The following TM9SF2 variants were observed in gnomAD, a reference collection of about 807,000 sequenced individuals.
TM9SF2 encodes transmembrane 9 superfamily member 2, also known as 76 kDa membrane protein.
TM9SF2 carries 13 observed loss-of-function variants against 84.9 expected under a neutral mutation model. That is an observed-to-expected ratio of 0.15 (90% CI 0.10 to 0.24). TM9SF2 has a LOEUF of 0.24. Among genes scored for constraint, TM9SF2 ranks in the 10% least tolerant of loss-of-function variants. TM9SF2 has a pLI of 1.00. For synonymous variants in TM9SF2, 273 were observed against 285.8 expected, an observed-to-expected ratio of 0.96 and a Z score of 0.45; for missense variants, 562 against 818.5, an observed-to-expected ratio of 0.69 and a Z score of 3.82.
At chr13:99,527,559 G>A (rs2046189344) in intron 3 of TM9SF2, among the ~76,000 whole-genome samples, 1 of 152,142 alleles carries the variant, frequency 6.6e-6, no homozygotes, top group Admixed American at 6.5e-5. Flanking sequence ...CAACACGTGG[G>A]GATTACAATT....
intron 2 of TM9SF2, among the ~76,000 whole-genome samples, chr13:99,519,154 CTA>C (rs1044437199): frequency 3.3e-5 from 5 of 152,106 alleles, no homozygotes; most frequent in African/African-American, 1.2e-4. Flanking sequence ...AATGGGTAGA[CTA>C]TAATTCATCT....
chr13:99,539,871 T>C (rs1287681942), intron 7 of TM9SF2, among the ~76,000 whole-genome samples: 4 of 152,324 alleles, frequency 2.6e-5, no homozygotes, highest in African/African-American at 4.8e-5. Context: ...AGAAACCATT[T>C]GGGAAATCAA....
chr13:99,531,446 T>C (rs2046209386), intron 4 of TM9SF2, among the ~76,000 whole-genome samples: 1 of 152,178 alleles, frequency 6.6e-6, no homozygotes, highest in African/African-American at 2.4e-5. Flanking sequence ...GACCAGATCC[T>C]GTGGCCTCGC....
At chr13:99,539,364 T>C in intron 6 of TM9SF2, 82 bp from the exon 7 acceptor site, 1 of 818,572 alleles carries the variant, frequency 1.2e-6, no homozygotes, top group Non-Finnish European at 2.1e-6. Flanking sequence ...CATTTTAAAA[T>C]ACGTACAAAA....
chr13:99,540,610 A>C, intron 7 of TM9SF2, 104 bp from the exon 8 acceptor site: 2 of 758,702 alleles, frequency 2.6e-6, no homozygotes, highest in Non-Finnish European at 4.2e-6. Context: ...TAGAAATTGC[A>C]GTTGTTGACT....
intron 3 of TM9SF2, among the ~76,000 whole-genome samples, chr13:99,528,318 G>T (rs2046193129): frequency 6.6e-6 from 1 of 152,194 alleles, no homozygotes; most frequent in Non-Finnish European, 1.5e-5. Context: ...GTGTGACTTG[G>T]TGCTCCAGTT....
chr13:99,503,521 C>CAAT (rs1393761652), intron 1 of TM9SF2, among the ~76,000 whole-genome samples: 1 of 151,906 alleles, frequency 6.6e-6, no homozygotes. Context: ...CCAGCCTGGC[C>CAAT]AATATGGTGA....
At chr13:99,506,339 A>C (rs1247009153) in intron 1 of TM9SF2, among the ~76,000 whole-genome samples, 1 of 152,252 alleles carries the variant, frequency 6.6e-6, no homozygotes. Context: ...ATTTATCGAT[A>C]TGTAGTTTCA....
intron 9 of TM9SF2, among the ~76,000 whole-genome samples, chr13:99,542,889 G>C (rs937481067): frequency 2.6e-5 from 4 of 152,108 alleles, no homozygotes; most frequent in East Asian, 3.9e-4. Context: ...ACAGCAGTCA[G>C]AGTGAAACTG....
At position 99,536,679 on chromosome 13, in the gene TM9SF2, T is replaced by C; in HGVS notation, c.533T>C (p.Phe178Ser). ...GGTCAGAGGTTCTGTAATCCTGGAT[T>C]TCCTATTGGCTGTTACATTACAGAT... ...EDGQRFCNPG[F>S]PIGCYITDKG... is the part of the protein sequence containing the mutation. Residue 178 changes from phenylalanine to serine, a missense_variant, in exon 5 of 17, where the codon TTT (phenylalanine) becomes TCT (serine). Phe to Ser is a radical substitution (Grantham distance 155, BLOSUM62 -2). Around this residue, in one of 4 missense-constraint regions of TM9SF2, gnomAD observed 267 missense variants for 316.7 expected, o/e 0.84. Coordinates refer to ENST00000376387, the MANE Select transcript of TM9SF2 (RefSeq NM_004800.3). 6.2e-7 allele frequency: 1 copy of C among 1,613,814 alleles called. No individual in the cohort carries two copies. The highest frequency in any genetic ancestry group is 8.5e-7 in the Non-Finnish European group (1 of 1,179,776).
At chr13:99,537,360 A>G (rs897493601) in intron 5 of TM9SF2, among the ~76,000 whole-genome samples, 1 of 152,214 alleles carries the variant, frequency 6.6e-6, no homozygotes, top group Non-Finnish European at 1.5e-5. Context: ...TGAATAATTT[A>G]GGTTATGAGT....
chr13:99,517,555 T>C, intron 1 of TM9SF2, 59 bp from the exon 2 acceptor site: 1 of 1,127,736 alleles, frequency 8.9e-7, no homozygotes. Context: ...ATTCTAAGCA[T>C]GACTTAAGGC....
intron 1 of TM9SF2, among the ~76,000 whole-genome samples, chr13:99,507,318 A>T (rs1361935333): frequency 6.6e-6 from 1 of 152,150 alleles, no homozygotes; most frequent in Admixed American, 6.6e-5. Context: ...ATCACCCTGG[A>T]CTTTGACAGT....
At chr13:99,502,780 C>T (rs2046072359) in intron 1 of TM9SF2, among the ~76,000 whole-genome samples, 1 of 152,072 alleles carries the variant, frequency 6.6e-6, no homozygotes, top group Admixed American at 6.5e-5. Flanking sequence ...GTTCAACAAA[C>T]GTTTACAATC....
chr13:99,516,244 T>C (rs2139075983), intron 1 of TM9SF2, among the ~76,000 whole-genome samples: 1 of 152,328 alleles, frequency 6.6e-6, no homozygotes, highest in Admixed American at 6.5e-5. Flanking sequence ...GGACTATTGA[T>C]TTGTTTTGAT....
intron 7 of TM9SF2, 102 bp downstream of exon 7, chr13:99,539,659 G>T: frequency 1.3e-6 from 1 of 786,066 alleles, no homozygotes; most frequent in African/African-American, 1.7e-5. Flanking sequence ...AAATAAAGAA[G>T]CTATTAATGA....
At chr13:99,525,802 G>T (rs1051409471) in intron 3 of TM9SF2, among the ~76,000 whole-genome samples, 2 of 151,662 alleles carry the variant, frequency 1.3e-5, no homozygotes, top group Non-Finnish European at 2.9e-5. Flanking sequence ...TGATCTGCCT[G>T]CCTCGGCCTC....
intron 1 of TM9SF2, among the ~76,000 whole-genome samples, chr13:99,506,766 CACAG>C (rs994047208): frequency 6.6e-6 from 1 of 152,158 alleles, no homozygotes; most frequent in African/African-American, 2.4e-5. Context: ...AACACAAACA[CACAG>C]ACACACATCG....
chr13:99,556,833 G>A (rs2046326866), intron 15 of TM9SF2, among the ~76,000 whole-genome samples: 1 of 152,104 alleles, frequency 6.6e-6, no homozygotes, highest in Non-Finnish European at 1.5e-5. Context: ...TGATCCGCCT[G>A]CCTCGGCCTC....
Sources: gnomAD v4.1 joint callset for allele counts (sites outside exome capture counted in the v4.1 genomes callset) on GRCh38, gnomAD v4.1.1 for gene constraint, gnomAD v4.1.1 regional missense constraint, MANE v1.5 for transcripts, NCBI Gene and HGNC (gene_info 2026-07-23, HGNC 2026-07-21) for gene names.